GHR: variants seen among roughly 807,000 people sequenced by gnomAD.
GHR encodes the protein growth hormone receptor, also known as GH receptor.
A neutral mutation model predicts 67.1 loss-of-function variants in GHR; 35 were observed. That is an observed-to-expected ratio of 0.52 (90% CI 0.40 to 0.69). GHR has a LOEUF of 0.69. Ranked by LOEUF, GHR falls within the 30% of genes least tolerant of loss-of-function variation. The pLI is 0.00. For missense variants in GHR, 792 were observed against 764.6 expected (o/e 1.04, Z -0.42); for synonymous variants, 272 against 269.1 (o/e 1.01, Z -0.10).
intron 2 of GHR, 43 bp downstream of exon 2, chr5:42,565,987 A>G (rs1749909220): frequency 6.2e-7 from 1 of 1,608,536 alleles, no homozygotes; most frequent in Admixed American, 1.7e-5. Context: ...GTTTTGAAAC[A>G]ACACTGAACT....
At chr5:42,537,004 A>G (rs1473909354) in intron 1 of GHR, among the ~76,000 whole-genome samples, 1 of 151,970 alleles carries the variant, frequency 6.6e-6, no homozygotes, top group East Asian at 1.9e-4. Flanking sequence ...TGTCAGTTGT[A>G]GTATCCCCCA....
At chr5:42,475,825 CCT>C (rs1206197297) in intron 1 of GHR, among the ~76,000 whole-genome samples, 1 of 152,104 alleles carries the variant, frequency 6.6e-6, no homozygotes, top group African/African-American at 2.4e-5. Flanking sequence ...CTTTTTCCCC[CCT>C]CTTTAGGGTT....
In GHR at chr5:42,595,646, C is replaced by T. The variant is rs549954571; in HGVS notation, c.70+29702C>T. 1.5e-4 allele frequency among the ~76,000 whole-genome samples: 23 copies of T among 152,358 alleles called. No individual in the cohort carries two copies. In the Middle Eastern group the frequency reaches 0.014, roughly 90 times the overall value. ...AATGAATAAGTGAGAAAGAAAGATACTTGATCCATTTGAGTGGGACTGCTT... is the reference window on the plus strand; with the variant it reads ...AATGAATAAGTGAGAAAGAAAGATATTTGATCCATTTGAGTGGGACTGCTT... On this transcript the variant is annotated intron_variant, in intron 2 of 9. Transcript: ENST00000230882.
intron 1 of GHR, among the ~76,000 whole-genome samples, chr5:42,457,078 T>C (rs1359711238): frequency 2.0e-5 from 3 of 152,204 alleles, no homozygotes; most frequent in Non-Finnish European, 1.5e-5. Flanking sequence ...TGCTCGCTTC[T>C]TCCTGTGATT....
At chr5:42,547,019 G>C (rs977290291) in intron 1 of GHR, among the ~76,000 whole-genome samples, 6 of 152,222 alleles carry the variant, frequency 3.9e-5, no homozygotes, top group Non-Finnish European at 8.8e-5. Context: ...ACGTGATTTA[G>C]AGGTATTTGT....
chr5:42,436,882 G>A (rs1561302399), intron 1 of GHR, among the ~76,000 whole-genome samples: 1 of 152,180 alleles, frequency 6.6e-6, no homozygotes, highest in African/African-American at 2.4e-5. Flanking sequence ...CAAATTATTT[G>A]AGCTTTGGCT....
At chr5:42,428,613 T>C (rs1313674675) in intron 1 of GHR, among the ~76,000 whole-genome samples, 1 of 152,212 alleles carries the variant, frequency 6.6e-6, no homozygotes, top group Non-Finnish European at 1.5e-5. Flanking sequence ...TTGAATGCTT[T>C]GCTGCTTCTA....
intron 1 of GHR, among the ~76,000 whole-genome samples, chr5:42,505,329 T>G (rs1201930884): frequency 6.6e-6 from 1 of 152,112 alleles, no homozygotes; most frequent in East Asian, 1.9e-4. Flanking sequence ...TTGCGCATTT[T>G]GCTGCTTAAG....
chr5:42,545,606 C>T (rs1198791038), intron 1 of GHR, among the ~76,000 whole-genome samples: 1 of 152,174 alleles, frequency 6.6e-6, no homozygotes, highest in Non-Finnish European at 1.5e-5. Context: ...TTTAGCTCAT[C>T]TTCTTGATGT....
intron 1 of GHR, among the ~76,000 whole-genome samples, chr5:42,509,306 A>G (rs1746910827): frequency 6.6e-6 from 1 of 152,036 alleles, no homozygotes; most frequent in Non-Finnish European, 1.5e-5. Context: ...ATGATTGGCA[A>G]CTCTCCATAT....
intron 1 of GHR, among the ~76,000 whole-genome samples, chr5:42,445,145 A>G (rs1363664281): frequency 1.3e-5 from 2 of 152,228 alleles, no homozygotes; most frequent in African/African-American, 2.4e-5. Flanking sequence ...TGTGTTCTCT[A>G]TAGTACCTAG....
chr5:42,504,372 G>T (rs1746666737), intron 1 of GHR, among the ~76,000 whole-genome samples: 1 of 152,124 alleles, frequency 6.6e-6, no homozygotes, highest in African/African-American at 2.4e-5. Flanking sequence ...TTGAGTGTAG[G>T]TAAATCCCAT....
intron 3 of GHR, among the ~76,000 whole-genome samples, chr5:42,662,893 T>TA (rs1399819058): frequency 7.3e-5 from 11 of 150,764 alleles, no homozygotes; most frequent in Admixed American, 2.0e-4. Context: ...AGTAGAAAAA[T>TA]AAAAAATGAT....
intron 3 of GHR, among the ~76,000 whole-genome samples, chr5:42,671,082 T>A (rs10050889): frequency 0.68 from 102,719 of 151,800 alleles, 36,333 homozygotes; most frequent in East Asian, 0.96. Context: ...TTTGCCATGA[T>A]AAACTAGTGT....
At chr5:42,457,940 AT>A (rs1744329357) in intron 1 of GHR, among the ~76,000 whole-genome samples, 1 of 152,252 alleles carries the variant, frequency 6.6e-6, no homozygotes, top group South Asian at 2.1e-4. Flanking sequence ...AAAATGGACA[AT>A]ACCTAACTCA....
chr5:42,646,924 C>A (rs1754761214), intron 3 of GHR, among the ~76,000 whole-genome samples: 1 of 152,062 alleles, frequency 6.6e-6, no homozygotes, highest in African/African-American at 2.4e-5. Flanking sequence ...ATCTTATTTC[C>A]TTTTTTGGCT....
chr5:42,675,985 T>G (rs1756553170), intron 3 of GHR, among the ~76,000 whole-genome samples: 2 of 152,150 alleles, frequency 1.3e-5, no homozygotes, highest in Non-Finnish European at 2.9e-5. Context: ...TAATTTAAAA[T>G]TATAAAAAAG....
At chr5:42,533,984 C>G (rs1016906061) in intron 1 of GHR, among the ~76,000 whole-genome samples, 2 of 151,580 alleles carry the variant, frequency 1.3e-5, no homozygotes, top group African/African-American at 2.4e-5. Context: ...CAGTCTCATC[C>G]AAGTCACTGC....
At chr5:42,525,294 G>A (rs972878993) in intron 1 of GHR, among the ~76,000 whole-genome samples, 2 of 152,240 alleles carry the variant, frequency 1.3e-5, no homozygotes, top group Non-Finnish European at 2.9e-5. Context: ...TGACCTGGAT[G>A]TGAGACATGG....
Sources: gnomAD v4.1 joint callset for allele counts (sites outside exome capture counted in the v4.1 genomes callset) on GRCh38, gnomAD v4.1.1 for gene constraint, MANE v1.5 for transcripts, NCBI Gene and HGNC (gene_info 2026-07-23, HGNC 2026-07-21) for gene names.